Variants in BMP2K observed in about 807,000 individuals in gnomAD.
BMP2K encodes the protein BMP2 inducible kinase.
BMP2K carries 74 observed loss-of-function variants against 116.0 expected under a neutral mutation model. The observed-to-expected ratio is 0.64, with a 90% confidence interval of 0.53 to 0.77. The LOEUF is 0.77. BMP2K is among the 30% of genes least tolerant of loss of function. BMP2K has a pLI of 0.00. For synonymous variants in BMP2K, 486 were observed against 502.5 expected (o/e 0.97, Z 0.44); for missense variants, 1,365 against 1,403.6 (o/e 0.97, Z 0.44).
chr4:78,858,786 T>G (rs1025910529), intron 7 of BMP2K, among the ~76,000 whole-genome samples: 5 of 53,252 alleles, frequency 9.4e-5, no homozygotes, highest in Admixed American at 1.9e-4. Context: ...CAACTTAGAG[T>G]TAATGAAGCA....
At chr4:78,850,788 T>A in intron 6 of BMP2K, 136 bp from the exon 7 acceptor site, 1 of 770,464 alleles carries the variant, frequency 1.3e-6, no homozygotes, top group Non-Finnish European at 1.9e-6. Context: ...ATATATTAAT[T>A]TTTTTAAGAA....
chr4:78,855,833 C>T (rs374380695), intron 7 of BMP2K, among the ~76,000 whole-genome samples: 30 of 152,106 alleles, frequency 2.0e-4, no homozygotes, highest in African/African-American at 6.5e-4. Context: ...ATTATTTCTT[C>T]GTGGCTAAGT....
chr4:78,822,859 A>C (rs1729689008), intron 1 of BMP2K, among the ~76,000 whole-genome samples: 1 of 152,112 alleles, frequency 6.6e-6, no homozygotes, highest in Non-Finnish European at 1.5e-5. Flanking sequence ...TCTGTGAGGA[A>C]AAATAAATAC....
At chr4:78,887,126 A>G (rs973715377) in intron 14 of BMP2K, 48 bp from the exon 15 acceptor site, 3 of 1,305,408 alleles carry the variant, frequency 2.3e-6, no homozygotes, top group Non-Finnish European at 3.2e-6. Context: ...TTTAAAGATC[A>G]TTTTTATTTC....
rs756931091 is a variant in BMP2K at position 78,847,217 on chromosome 4, A to C, written c.698A>C (p.Glu233Ala). The change falls in exon 6 of 16, where the codon GAA becomes GCA. Residue 233 changes from glutamate to alanine, a missense_variant. This residue lies in a region of BMP2K where 762 missense variants were observed against 756.7 expected (regional missense o/e 1.01). Transcript: ENST00000502613. ...KYTTLSYRAP[E>A]MINLYGGKPI... ...ACAACTCTGTCATACAGAGCCCCTG[A>C]AATGATCAACCTTTATGGAGGGAAA... The C allele has an allele frequency of 6.3e-7, 1 of 1,586,764 alleles. No individual in the cohort carries two copies. Among genetic ancestry groups the C allele is most frequent in the Non-Finnish European group, 8.6e-7 (1 of 1,165,160 alleles).
At chr4:78,852,482 A>G (rs1295010954) in intron 7 of BMP2K, among the ~76,000 whole-genome samples, 1 of 152,168 alleles carries the variant, frequency 6.6e-6, no homozygotes, top group East Asian at 1.9e-4. Context: ...GGCTTTATGG[A>G]CTTTTAAAGT....
intron 4 of BMP2K, among the ~76,000 whole-genome samples, chr4:78,843,682 C>T (rs1382775983): frequency 6.6e-6 from 1 of 151,934 alleles, no homozygotes; most frequent in Admixed American, 6.6e-5. Context: ...TGCTTAACTG[C>T]AGGCATCTCG....
chr4:78,818,836 G>T (rs542251350), intron 1 of BMP2K, among the ~76,000 whole-genome samples: 119 of 142,932 alleles, frequency 8.3e-4, no homozygotes, highest in Admixed American at 1.5e-3. Flanking sequence ...TTGCTTTGTC[G>T]CCCAGGCTGG....
chr4:78,830,149 T>A (rs944339466), intron 2 of BMP2K, among the ~76,000 whole-genome samples: 1 of 152,174 alleles, frequency 6.6e-6, no homozygotes, highest in Non-Finnish European at 1.5e-5. Context: ...AATGCTAGGA[T>A]TATAGGCAAG....
At chr4:78,909,103 G>T (rs1426136) in intron 15 of BMP2K, among the ~76,000 whole-genome samples, 1 of 128,478 alleles carries the variant, frequency 7.8e-6, no homozygotes, top group Non-Finnish European at 1.6e-5. Flanking sequence ...CTTTGGCCCA[G>T]ACTGGAGTGC....
At chr4:78,829,465 TC>T (rs1406787426) in intron 2 of BMP2K, among the ~76,000 whole-genome samples, 3 of 151,898 alleles carry the variant, frequency 2.0e-5, no homozygotes, top group African/African-American at 7.2e-5. Flanking sequence ...AGTCATGAAT[TC>T]CTCAGCATCA....
intron 13 of BMP2K, 39 bp from the exon 14 acceptor site, chr4:78,878,695 C>T: frequency 6.8e-7 from 1 of 1,479,972 alleles, no homozygotes; most frequent in Admixed American, 2.2e-5. Flanking sequence ...TTTAATTTTT[C>T]TTTCCATCTT....
chr4:78,906,824 C>T (rs1047499083), intron 15 of BMP2K, among the ~76,000 whole-genome samples: 1 of 152,088 alleles, frequency 6.6e-6, no homozygotes, highest in Admixed American at 6.6e-5. Flanking sequence ...GTTCAGGCAC[C>T]GTTCTAAGTC....
chr4:78,910,962 TTA>T lies in BMP2K; in HGVS notation c.2417_2418del (p.Tyr806Ter). On this transcript the variant is annotated frameshift_variant, in exon 16 of 16. Transcript: ENST00000502613. LOFTEE classifies it high-confidence loss of function. ...EEEKHSSDSDYEQAKAKYSDM... is the reference protein window; with the variant it reads ...EEEKHSSDSDXEQAKAKYSDM... ...AGGAGAAACATAGCTCTGATTCTGA[TTA>T]TGAGCAGGCTAAAGCAAAGTACAGT... 6.2e-7 allele frequency: 1 copy of T among 1,613,636 alleles called. No individual in the cohort carries two copies.
chr4:78,794,397 G>A (rs1435888661), intron 1 of BMP2K, among the ~76,000 whole-genome samples: 1 of 151,924 alleles, frequency 6.6e-6, no homozygotes, highest in African/African-American at 2.4e-5. Flanking sequence ...CTGTTTCTGT[G>A]GGAAAATATT....
At chr4:78,889,834 G>A (rs980378279) in intron 15 of BMP2K, among the ~76,000 whole-genome samples, 1 of 152,266 alleles carries the variant, frequency 6.6e-6, no homozygotes, top group South Asian at 2.1e-4. Context: ...TTAATTTTTA[G>A]TAAACCATAT....
At chr4:78,897,408 A>G (rs1341405691) in intron 15 of BMP2K, among the ~76,000 whole-genome samples, 1 of 152,142 alleles carries the variant, frequency 6.6e-6, no homozygotes, top group African/African-American at 2.4e-5. Flanking sequence ...AGTGAAGATT[A>G]TGTAGCAATG....
chr4:78,859,024 A>G (rs1731640401), intron 7 of BMP2K: 3 of 151,922 alleles, frequency 2.0e-5, no homozygotes, highest in Non-Finnish European at 4.4e-5. Flanking sequence ...TGAGCATGAT[A>G]TGGATAACAT....
chr4:78,813,480 T>C (rs1390137404), intron 1 of BMP2K, among the ~76,000 whole-genome samples: 1 of 152,218 alleles, frequency 6.6e-6, no homozygotes, highest in Admixed American at 6.5e-5. Flanking sequence ...GTAATAAGAC[T>C]TTGCATGATC....
Sources: gnomAD v4.1 joint callset for allele counts (sites outside exome capture counted in the v4.1 genomes callset) on GRCh38, gnomAD v4.1.1 for gene constraint, gnomAD v4.1.1 regional missense constraint, MANE v1.5 for transcripts, NCBI Gene and HGNC (gene_info 2026-07-23, HGNC 2026-07-21) for gene names.